LGSN: variants seen among roughly 807,000 people sequenced by gnomAD.
LGSN encodes the protein lengsin, lens protein with glutamine synthetase domain, also known as lengsin.
In LGSN, 21 loss-of-function variants were observed where a neutral mutation model predicts 19.5. That is an observed-to-expected ratio of 1.07 (90% CI 0.76 to 1.55). The LOEUF (loss-of-function observed/expected upper bound fraction) is 1.55. Among genes scored for constraint, LGSN ranks in the 40% most tolerant of loss-of-function variants. LGSN has a pLI of 0.00. For synonymous variants in LGSN, 257 were observed against 215.6 expected (o/e 1.19, Z -1.68); for missense variants, 673 against 608.5 (o/e 1.11, Z -1.12).
chr6:63,350,575 G>T, the LGSN span, among the ~76,000 whole-genome samples: 1 of 152,220 alleles, frequency 6.6e-6, no homozygotes, highest in Admixed American at 6.5e-5. Flanking sequence ...GTTCAGGCCA[G>T]GGGTGGTGGC....
chr6:63,488,297 T>C, the LGSN span, among the ~76,000 whole-genome samples: 1 of 152,178 alleles, frequency 6.6e-6, no homozygotes, highest in Non-Finnish European at 1.5e-5. Context: ...TCATAACTGC[T>C]TTATTAGTTA....
the LGSN span, among the ~76,000 whole-genome samples, chr6:63,439,874 T>C: frequency 6.6e-6 from 1 of 152,232 alleles, no homozygotes; most frequent in South Asian, 2.1e-4. Context: ...TGGTCAGAAT[T>C]TATTATCCAT....
the LGSN span, chr6:63,571,824 A>T: frequency 6.6e-6 from 1 of 152,266 alleles, no homozygotes; most frequent in African/African-American, 2.4e-5. Flanking sequence ...CATCTTCTAT[A>T]GCCTTAAGTT....
chr6:63,371,318 A>G, the LGSN span, among the ~76,000 whole-genome samples: 1 of 152,218 alleles, frequency 6.6e-6, no homozygotes, highest in Admixed American at 6.5e-5. Context: ...GCCCTGTCAT[A>G]TAAGAACCAA....
At chr6:63,521,307 T>C in the LGSN span, among the ~76,000 whole-genome samples, 2 of 152,056 alleles carry the variant, frequency 1.3e-5, no homozygotes, top group Non-Finnish European at 2.9e-5. Context: ...GAAAATAATA[T>C]CTGGCTTGTC....
intron 2 of LGSN, among the ~76,000 whole-genome samples, chr6:63,293,034 C>T (rs562457618): frequency 6.6e-6 from 1 of 152,224 alleles, no homozygotes; most frequent in East Asian, 1.9e-4. Flanking sequence ...GGGGTAAGGT[C>T]TCTCTCTGTT....
At chr6:63,505,636 A>ATAAATAAT in the LGSN span, among the ~76,000 whole-genome samples, 1 of 135,054 alleles carries the variant, frequency 7.4e-6, no homozygotes, top group African/African-American at 3.1e-5. Context: ...AAAGAAAGAA[A>ATAAATAAT]TTCTGGCATT....
chr6:63,344,648 C>T, the LGSN span, among the ~76,000 whole-genome samples: 3 of 151,790 alleles, frequency 2.0e-5, no homozygotes, highest in Non-Finnish European at 4.4e-5. Context: ...TGTAAGAATG[C>T]CTGGTGGGTC....
At chr6:63,464,532 A>AT in the LGSN span, among the ~76,000 whole-genome samples, 1,257 of 148,970 alleles carry the variant, frequency 8.4e-3, 10 homozygotes, top group African/African-American at 0.029. Flanking sequence ...GTATGGAAAA[A>AT]ATATATATAT....
At chr6:63,286,214 G>A (rs995035559) in intron 2 of LGSN, among the ~76,000 whole-genome samples, 1 of 152,084 alleles carries the variant, frequency 6.6e-6, no homozygotes, top group African/African-American at 2.4e-5. Context: ...TTTATTTTCA[G>A]GGGTTTTGTC....
At chr6:63,532,189 C>T in the LGSN span, among the ~76,000 whole-genome samples, 4 of 152,208 alleles carry the variant, frequency 2.6e-5, no homozygotes, top group Admixed American at 6.5e-5. Context: ...TCTTTCCTCT[C>T]ACATATATAA....
the LGSN span, chr6:63,572,348 G>A: frequency 3.5e-6 from 1 of 285,810 alleles, no homozygotes; most frequent in Non-Finnish European, 6.5e-6. Context: ...GGCCGCCGCG[G>A]AGTGACGTCC....
At chr6:63,503,134 G>A in the LGSN span, among the ~76,000 whole-genome samples, 1 of 151,112 alleles carries the variant, frequency 6.6e-6, no homozygotes, top group Non-Finnish European at 1.5e-5. Flanking sequence ...ATTTTTTTCT[G>A]CAGGCTTTAA....
the LGSN span, among the ~76,000 whole-genome samples, chr6:63,566,212 G>A: frequency 6.6e-6 from 1 of 152,218 alleles, no homozygotes; most frequent in African/African-American, 2.4e-5. Context: ...AGATTTCAAA[G>A]AAAGCAGCTC....
the LGSN span, among the ~76,000 whole-genome samples, chr6:63,536,363 T>C: frequency 6.6e-5 from 10 of 152,048 alleles, no homozygotes; most frequent in Non-Finnish European, 1.3e-4. Flanking sequence ...GAAAAATCAA[T>C]AGCTATATTT....
chr6:63,403,490 G>C, the LGSN span, among the ~76,000 whole-genome samples: 1 of 152,022 alleles, frequency 6.6e-6, no homozygotes, highest in East Asian at 1.9e-4. Context: ...AGAAATAAAA[G>C]ATCAAATGAA....
the LGSN span, among the ~76,000 whole-genome samples, chr6:63,456,624 A>C: frequency 6.6e-6 from 1 of 151,890 alleles, no homozygotes; most frequent in African/African-American, 2.4e-5. Flanking sequence ...AATATACCAC[A>C]CTGCCCCTCA....
the LGSN span, among the ~76,000 whole-genome samples, chr6:63,398,032 TA>T: frequency 6.6e-6 from 1 of 152,122 alleles, no homozygotes; most frequent in Non-Finnish European, 1.5e-5. Context: ...GGCAACACAT[TA>T]CTCGCATGTT....
At chr6:63,336,561 G>GTGTGTGTATA in the LGSN span, among the ~76,000 whole-genome samples, 10 of 127,578 alleles carry the variant, frequency 7.8e-5, no homozygotes, top group Admixed American at 2.5e-4. Context: ...GTGTGTGTGT[G>GTGTGTGTATA]TATATATATA....
Sources: gnomAD v4.1 joint callset for allele counts (sites outside exome capture counted in the v4.1 genomes callset) on GRCh38, gnomAD v4.1.1 for gene constraint, MANE v1.5 for transcripts, NCBI Gene and HGNC (gene_info 2026-07-23, HGNC 2026-07-21) for gene names.